Variants in TMUB1 observed in about 807,000 individuals in gnomAD.
TMUB1 encodes the protein transmembrane and ubiquitin-like domain-containing protein 1.
In TMUB1, 9 loss-of-function variants were observed where a neutral mutation model predicts 16.2. That is an observed-to-expected ratio of 0.55 (90% CI 0.33 to 0.97). The LOEUF is 0.97. Ranked by LOEUF, TMUB1 falls within the 50% of genes least tolerant of loss-of-function variation. The probability of loss-of-function intolerance (pLI) is 0.03; values close to 1 mark genes in which losing one functional copy is unlikely to be tolerated. For missense variants in TMUB1, 309 were observed against 313.5 expected (o/e 0.99, Z 0.11); for synonymous variants, 155 against 152.2 (o/e 1.02, Z -0.13).
At position 151,081,300 on chromosome 7, in the gene TMUB1, C is replaced by T. The variant is rs572975134; in HGVS notation, c.*249G>A. 42 of 500,888 alleles carry T rather than the reference C, an allele frequency of 8.4e-5. No homozygotes were observed. In the Middle Eastern group the frequency reaches 2.9e-3, roughly 35 times the overall value. 31.0% of individuals were successfully genotyped at this position (500,888 alleles called of 1,614,324 possible). ...GGGCCGAGGCAGCGACAGCAGATGC[C>T]CGACCCCGAGGAGCCCACTCCCAGT... On this transcript the variant is annotated 3_prime_UTR_variant, in exon 3 of 3. Transcript: ENST00000297533. This position sits in a 1 kb window ranked among gnomAD's most constrained non-coding sequence, Gnocchi z 7.6.
Position 151,081,662 on chromosome 7 carries a change from GCAGCAGCAA to G in TMUB1, c.619_627del (p.Leu208_Leu210del), listed in dbSNP as rs780597260. On this transcript the variant is annotated inframe_deletion, in exon 3 of 3. Transcript: ENST00000297533. This position sits in a 1 kb window ranked among gnomAD's most constrained non-coding sequence, Gnocchi z 7.6. ...CGGTACTGGATCTGGCAGTACCAGA[GCAGCAGCAA>G]CAGCAGGAGCAGCAGGGGCAGCAGC... 60 of 1,595,502 alleles carry G rather than the reference GCAGCAGCAA, an allele frequency of 3.8e-5. No homozygotes were observed. The highest frequency in any genetic ancestry group is 4.1e-5 in the Non-Finnish European group (48 of 1,171,338).
In TMUB1 at chr7:151,081,665, GCAGCAA is replaced by G; in HGVS notation, c.619_624del (p.Leu209_Leu210del). The G allele has an allele frequency of 6.3e-7, 1 of 1,593,088 alleles. No homozygotes were observed. The highest frequency in any genetic ancestry group is 8.5e-7 in the Non-Finnish European group (1 of 1,170,038). ...TACTGGATCTGGCAGTACCAGAGCA[GCAGCAA>G]CAGCAGGAGCAGCAGGGGCAGCAGC... On this transcript the variant is annotated inframe_deletion, in exon 3 of 3. Transcript: ENST00000297533. The surrounding 1 kb of genome is among the most constrained non-coding windows in gnomAD (Gnocchi z 7.6).
Position 151,082,198 on chromosome 7 carries a change from G to T in TMUB1, c.366C>A (p.His122Gln), listed in dbSNP as rs769504948. ...DSEQVARAWP[H>Q]DTIGSLKRTQ... ...ACCTTTTCAAGGAGCCAATGGTGTC[G>T]TGGGGCCAGGCCCTGGCCACCTGCT... is the stretch of plus-strand genomic sequence containing the variant. The change falls in exon 2 of 3, where the codon CAC becomes CAA. Residue 122 changes from histidine (H) to glutamine (Q), a missense_variant. By Grantham distance (24) the His-to-Gln change is conservative. Transcript: ENST00000297533. This position sits in a 1 kb window ranked among gnomAD's most constrained non-coding sequence, Gnocchi z 7.0. 1.3e-6 allele frequency: 2 copies of T among 1,512,624 alleles called. No homozygotes were observed. Among genetic ancestry groups the T allele is most frequent in the African/African-American group, 1.4e-5 (1 of 71,580 alleles). The allele number at this position is 1,512,624 out of a possible 1,614,324, so 93.7% of individuals were successfully genotyped here. A position where few individuals can be genotyped will look rare whatever the true frequency, so the allele number is the denominator to read the frequency against.
At position 151,081,681 on chromosome 7, in the gene TMUB1, C is replaced by T; in HGVS notation, c.609G>A (p.Leu203=). ...LEIGSLLLPL[L]LLLLLLLWYC... ...ACCAGAGCAGCAGCAACAGCAGGAG[C>T]AGCAGGGGCAGCAGCAGGCTGCCGA... Residue 203 remains leucine (L), a synonymous_variant, in exon 3 of 3, where the codon CTG becomes CTA. Coordinates refer to ENST00000297533, the MANE Select transcript of TMUB1 (RefSeq NM_001136044.2). This position sits in a 1 kb window ranked among gnomAD's most constrained non-coding sequence, Gnocchi z 7.6. The T allele has an allele frequency of 6.3e-7, 1 of 1,585,666 alleles. No individual in the cohort carries two copies. The highest frequency in any genetic ancestry group is 8.6e-7 in the Non-Finnish European group (1 of 1,166,444).
rs1220001311 is a variant in TMUB1, at chr7:151,083,266, G to C, written c.-31+168C>G. 1 of 152,044 alleles carries C rather than the reference G, an allele frequency of 6.6e-6. No homozygotes were observed. The highest frequency in any genetic ancestry group is 1.5e-5 in the Non-Finnish European group (1 of 68,018). 9.4% of individuals were successfully genotyped at this position (152,044 alleles called of 1,614,324 possible). Reference sequence around the variant, plus strand: ...GAAGTCTCTCCAAGCCCCCCGGGCTGCCTGACCCCAGATCCCGCCCGGAAT... The same window carrying C: ...GAAGTCTCTCCAAGCCCCCCGGGCTCCCTGACCCCAGATCCCGCCCGGAAT... On this transcript the variant is annotated intron_variant, in intron 1 of 2. Coordinates refer to ENST00000297533, the MANE Select transcript of TMUB1 (RefSeq NM_001136044.2). This position sits in a 1 kb window ranked among gnomAD's most constrained non-coding sequence, Gnocchi z 5.9.
Position 151,082,390 on chromosome 7 carries a change from A to G in TMUB1, c.174T>C (p.Ala58=). 6.2e-7 allele frequency: 1 copy of G among 1,602,688 alleles called. No individual in the cohort carries two copies. Among genetic ancestry groups the G allele is most frequent in the Non-Finnish European group, 8.5e-7 (1 of 1,174,376 alleles). Residue 58 remains alanine, a synonymous_variant, in exon 2 of 3, where the codon GCT becomes GCC. Transcript: ENST00000297533. This position sits in a 1 kb window ranked among gnomAD's most constrained non-coding sequence, Gnocchi z 7.0. ...GGGCCTCCCCTCTCATGCTGTCGGT[A>G]GCTGCCATGGCTGCGCTGGGCTGGG... ...TPSQPSAAMA[A]TDSMRGEAPG... is the part of the protein sequence containing the mutation.
Position 151,082,453 on chromosome 7 carries a change from C to T in TMUB1, c.111G>A (p.Gly37=), listed in dbSNP as rs776530887. 5.0e-6 allele frequency: 8 copies of T among 1,607,638 alleles called. 1 individual carries two copies. The South Asian group carries it at 7.7e-5, about 16-fold the overall frequency. Residue 37 remains glycine, a synonymous_variant, in exon 2 of 3, where the codon GGG becomes GGA. Coordinates refer to ENST00000297533, the MANE Select transcript of TMUB1 (RefSeq NM_001136044.2). The surrounding 1 kb of genome is among the most constrained non-coding windows in gnomAD (Gnocchi z 7.0). ...TCCCTGACGGCTGGGGCAGTGGGTCCCCGCCCTCAGCGGTGTGCGTTGAGA... is the reference window on the plus strand; with the variant it reads ...TCCCTGACGGCTGGGGCAGTGGGTCTCCGCCCTCAGCGGTGTGCGTTGAGA... ...AWVSTHTAEG[G]DPLPQPSGTP...
rs749793905 is a variant in TMUB1, at chr7:151,081,669, CAACAGCAGG to C, written c.612_620del (p.Leu208_Leu210del). ...GGATCTGGCAGTACCAGAGCAGCAGCAACAGCAGGAGCAGCAGGGGCAGCAGCAGGCTGC... is the reference window on the plus strand; with the variant it reads ...GGATCTGGCAGTACCAGAGCAGCAGCAGCAGCAGGGGCAGCAGCAGGCTGC... On this transcript the variant is annotated inframe_deletion, in exon 3 of 3. Transcript: ENST00000297533. This position sits in a 1 kb window ranked among gnomAD's most constrained non-coding sequence, Gnocchi z 7.6. 6 of 1,593,374 alleles carry C rather than the reference CAACAGCAGG, an allele frequency of 3.8e-6. No homozygotes were observed. The highest frequency in any genetic ancestry group is 2.3e-5 in the East Asian group (1 of 44,296).
Position 151,082,464 on chromosome 7 carries a change from C to T in TMUB1, c.100G>A (p.Ala34Thr), listed in dbSNP as rs773656946. ...LALAWVSTHT[A>T]EGGDPLPQPS... ...TGGGGCAGTGGGTCCCCGCCCTCAG[C>T]GGTGTGCGTTGAGACCCAGGCAAGG... The change falls in exon 2 of 3, where the codon GCT (alanine) becomes ACT (threonine). Residue 34 changes from alanine to threonine, a missense_variant. Transcript: ENST00000297533. This position sits in a 1 kb window ranked among gnomAD's most constrained non-coding sequence, Gnocchi z 7.0. 6 of 1,603,258 alleles carry T rather than the reference C, an allele frequency of 3.7e-6. No individual in the cohort carries two copies. The highest frequency in any genetic ancestry group is 1.7e-5 in the Admixed American group (1 of 58,510).
rs1230528803 is a variant in TMUB1 at position 151,082,347 on chromosome 7, T to TG, written c.216dup (p.Ser73GlnfsTer40). ...GCAGCTTGACCTCTGTGTCTCAGGCTGGGGGTCTCTGCCCCTGGGGCCTCC... is the reference window on the plus strand; with the variant it reads ...GCAGCTTGACCTCTGTGTCTCAGGCTGGGGGGTCTCTGCCCCTGGGGCCTCC... On this transcript the variant is annotated frameshift_variant, in exon 2 of 3. Transcript: ENST00000297533. LOFTEE classifies it high-confidence loss of function. This position sits in a 1 kb window ranked among gnomAD's most constrained non-coding sequence, Gnocchi z 7.0. The TG allele has an allele frequency of 1.9e-6, 3 of 1,597,936 alleles. No individual in the cohort carries two copies. The highest frequency in any genetic ancestry group is 1.7e-6 in the Non-Finnish European group (2 of 1,171,178).
rs1452606788 is a variant in TMUB1, at chr7:151,081,142, C to G, written c.*407G>C. On this transcript the variant is annotated 3_prime_UTR_variant, in exon 3 of 3. Coordinates refer to ENST00000297533, the MANE Select transcript of TMUB1 (RefSeq NM_001136044.2). This position sits in a 1 kb window ranked among gnomAD's most constrained non-coding sequence, Gnocchi z 7.6. Reference sequence around the variant, plus strand: ...GTTCCGGGGAACTCCTCTGCCCCTCCCCGCTCCCCTTCACCAGCCTCCCAC... The same window carrying G: ...GTTCCGGGGAACTCCTCTGCCCCTCGCCGCTCCCCTTCACCAGCCTCCCAC... The G allele has an allele frequency of 4.6e-6, 1 of 215,940 alleles. No homozygotes were observed. Among genetic ancestry groups the G allele is most frequent in the African/African-American group, 2.3e-5 (1 of 43,764 alleles). The allele number at this position is 215,940 out of a possible 1,614,324, so 13.4% of individuals were successfully genotyped here.
At position 151,082,906 on chromosome 7, in the gene TMUB1, A is replaced by G. The variant is rs1180145855; in HGVS notation, c.-30-313T>C. ...AACGCCTCTCCTAAACTTCACCCCA[A>G]CCAAACTTCACCCCCAAGCGTATCT... On this transcript the variant is annotated intron_variant, in intron 1 of 2. Transcript: ENST00000297533. This position sits in a 1 kb window ranked among gnomAD's most constrained non-coding sequence, Gnocchi z 7.0. The G allele has an allele frequency of 2.0e-5, 5 of 248,324 alleles. No individual in the cohort carries two copies. Among genetic ancestry groups the G allele is most frequent in the Non-Finnish European group, 7.7e-6 (1 of 130,582 alleles). The allele number at this position is 248,324 out of a possible 1,614,324, so 15.4% of individuals were successfully genotyped here.
Position 151,082,251 on chromosome 7 carries a change from G to A in TMUB1, c.313C>T (p.Leu105=). ...APDSPQEPLV[L]RLKFLNDSEQ... is the part of the protein sequence containing the mutation. ...GAATCATTGAGGAATTTCAGCCGTA[G>A]CACGAGGGGCTCCTGCGGGGAGTCC... The change falls in exon 2 of 3, where the codon CTA becomes TTA. Residue 105 remains leucine, a synonymous_variant. Transcript: ENST00000297533. This position sits in a 1 kb window ranked among gnomAD's most constrained non-coding sequence, Gnocchi z 7.0. The A allele has an allele frequency of 6.4e-7, 1 of 1,563,872 alleles. No homozygotes were observed. Among genetic ancestry groups the A allele is most frequent in the Non-Finnish European group, 8.7e-7 (1 of 1,153,900 alleles).
Position 151,081,960 on chromosome 7 carries a change from C to T in TMUB1, c.390-60G>A, listed in dbSNP as rs1798003619. 1.4e-6 allele frequency: 2 copies of T among 1,435,560 alleles called. No individual in the cohort carries two copies. The highest frequency in any genetic ancestry group is 1.8e-6 in the Non-Finnish European group (2 of 1,088,562). 88.9% of individuals were successfully genotyped at this position (1,435,560 alleles called of 1,614,324 possible). Reference sequence around the variant, plus strand: ...CTCAGGCAATCCTAGTCCCTGGCCCCGGAACAGCACTCCCACCCTCCCCCT... The same window carrying T: ...CTCAGGCAATCCTAGTCCCTGGCCCTGGAACAGCACTCCCACCCTCCCCCT... On this transcript the variant is annotated intron_variant, in intron 2 of 2. Coordinates refer to ENST00000297533, the MANE Select transcript of TMUB1 (RefSeq NM_001136044.2). The surrounding 1 kb of genome is among the most constrained non-coding windows in gnomAD (Gnocchi z 7.6).
At position 151,082,411 on chromosome 7, in the gene TMUB1, C is replaced by A. The variant is rs762297419; in HGVS notation, c.153G>T (p.Gln51His). The part of the protein sequence containing the change: ...PQPSGTPTPS[Q>H]PSAAMAATDS... ...CGGTAGCTGCCATGGCTGCGCTGGG[C>A]TGGGATGGCGTTGGGGTCCCTGACG... is the stretch of plus-strand genomic sequence containing the variant. Residue 51 changes from glutamine (Q) to histidine (H), a missense_variant, in exon 2 of 3, where the codon CAG becomes CAT. Coordinates refer to ENST00000297533, the MANE Select transcript of TMUB1 (RefSeq NM_001136044.2). The surrounding 1 kb of genome is among the most constrained non-coding windows in gnomAD (Gnocchi z 7.0). 2.5e-6 allele frequency: 4 copies of A among 1,608,354 alleles called. No homozygotes were observed. The highest frequency in any genetic ancestry group is 2.5e-6 in the Non-Finnish European group (3 of 1,177,004).
rs902761875 is a variant in TMUB1 at position 151,082,585 on chromosome 7, G to C, written c.-22C>G. On this transcript the variant is annotated 5_prime_UTR_variant, in exon 2 of 3. Transcript: ENST00000297533. This position sits in a 1 kb window ranked among gnomAD's most constrained non-coding sequence, Gnocchi z 7.0. ...TCATGGCGCCTGCCTTGCCCGCCGC[G>C]CTACCGAGCTGGAGAGGCACAAAGA... The C allele has an allele frequency of 2.7e-6, 4 of 1,482,002 alleles. No individual in the cohort carries two copies. The highest frequency in any genetic ancestry group is 1.4e-5 in the South Asian group (1 of 71,426). 91.8% of individuals were successfully genotyped at this position (1,482,002 alleles called of 1,614,324 possible).
Position 151,081,690 on chromosome 7 carries a change from C to T in TMUB1, c.600G>A (p.Leu200=), listed in dbSNP as rs1197862939. ...GCAGCAACAGCAGGAGCAGCAGGGG[C>T]AGCAGCAGGCTGCCGATTTCCAGCC... ...PSGLEIGSLL[L]PLLLLLLLLL... The change falls in exon 3 of 3, where the codon CTG becomes CTA. Residue 200 remains leucine (L), a synonymous_variant. Coordinates refer to ENST00000297533, the MANE Select transcript of TMUB1 (RefSeq NM_001136044.2). The surrounding 1 kb of genome is among the most constrained non-coding windows in gnomAD (Gnocchi z 7.6). 6 of 1,584,838 alleles carry T rather than the reference C, an allele frequency of 3.8e-6. No individual in the cohort carries two copies. The highest frequency in any genetic ancestry group is 5.1e-6 in the Non-Finnish European group (6 of 1,166,062).
At position 151,082,886 on chromosome 7, in the gene TMUB1, C is replaced by T; in HGVS notation, c.-30-293G>A. ...CCCAAGGTAAGGGCCTAAGCAACGCCTCTCCTAAACTTCACCCCAACCAAA... is the reference window on the plus strand; with the variant it reads ...CCCAAGGTAAGGGCCTAAGCAACGCTTCTCCTAAACTTCACCCCAACCAAA... On this transcript the variant is annotated intron_variant, in intron 1 of 2. Coordinates refer to ENST00000297533, the MANE Select transcript of TMUB1 (RefSeq NM_001136044.2). This position sits in a 1 kb window ranked among gnomAD's most constrained non-coding sequence, Gnocchi z 7.0. The T allele has an allele frequency of 6.8e-6, 2 of 294,044 alleles. No homozygotes were observed. The highest frequency in any genetic ancestry group is 6.3e-6 in the Non-Finnish European group (1 of 159,126). The allele number at this position is 294,044 out of a possible 1,614,324, so 18.2% of individuals were successfully genotyped here.
In TMUB1 at chr7:151,082,679, G is replaced by T. The variant is rs2150391989; in HGVS notation, c.-30-86C>A. 2 of 1,107,464 alleles carry T rather than the reference G, an allele frequency of 1.8e-6. No homozygotes were observed. The highest frequency in any genetic ancestry group is 1.2e-6 in the Non-Finnish European group (1 of 846,116). 68.6% of individuals were successfully genotyped at this position (1,107,464 alleles called of 1,614,324 possible). A position where few individuals can be genotyped will look rare whatever the true frequency, so the allele number is the denominator to read the frequency against. On this transcript the variant is annotated intron_variant, in intron 1 of 2. Coordinates refer to ENST00000297533, the MANE Select transcript of TMUB1 (RefSeq NM_001136044.2). The surrounding 1 kb of genome is among the most constrained non-coding windows in gnomAD (Gnocchi z 7.0). ...CACAGGGTCCTGCCCTCACCCCACC[G>T]CGACGCTCCCACCGTCCTCAGCCTC...
Sources: gnomAD v4.1 joint callset for allele counts on GRCh38, gnomAD v4.1.1 for gene constraint, Gnocchi (gnomAD v3.1) non-coding constraint, MANE v1.5 for transcripts, NCBI Gene and HGNC (gene_info 2026-07-23, HGNC 2026-07-21) for gene names.